The following XPNPEP3 variants were observed in gnomAD, a reference collection of about 807,000 sequenced individuals.
XPNPEP3 encodes xaa-Pro aminopeptidase 3.
In XPNPEP3, 41 loss-of-function variants were observed where a neutral mutation model predicts 60.0. That is an observed-to-expected ratio of 0.68 (90% CI 0.53 to 0.89). The LOEUF (loss-of-function observed/expected upper bound fraction) is 0.89. XPNPEP3 is among the 40% of genes least tolerant of loss of function. The pLI is 0.00. For missense variants in XPNPEP3, 598 were observed against 638.9 expected, an observed-to-expected ratio of 0.94 and a Z score of 0.69; for synonymous variants, 212 against 223.2, an observed-to-expected ratio of 0.95 and a Z score of 0.45.
chr22:40,861,960 C>A, intron 1 of XPNPEP3: 6 of 1,608,760 alleles, frequency 3.7e-6, no homozygotes, highest in Non-Finnish European at 5.1e-6. Context: ...TGAAGCATAT[C>A]TTTGCAGTCC....
intron 4 of XPNPEP3, among the ~76,000 whole-genome samples, chr22:40,899,286 T>A (rs2058121993): frequency 6.6e-6 from 1 of 152,158 alleles, no homozygotes; most frequent in Non-Finnish European, 1.5e-5. Context: ...AAGAAGCTCA[T>A]CTAAAAGAGA....
chr22:40,897,368 T>C (rs768541952), intron 4 of XPNPEP3, among the ~76,000 whole-genome samples: 1 of 152,160 alleles, frequency 6.6e-6, no homozygotes, highest in African/African-American at 2.4e-5. Flanking sequence ...TTGGGTTGTT[T>C]CCATCTTTTG....
intron 1 of XPNPEP3, among the ~76,000 whole-genome samples, chr22:40,863,050 C>G (rs2057960055): frequency 6.6e-6 from 1 of 152,192 alleles, no homozygotes; most frequent in Admixed American, 6.5e-5. Context: ...ACATAGTGAT[C>G]TAATATGGTA....
chr22:40,890,953 T>C (rs2058085983), intron 4 of XPNPEP3, among the ~76,000 whole-genome samples: 1 of 152,128 alleles, frequency 6.6e-6, no homozygotes, highest in Non-Finnish European at 1.5e-5. Flanking sequence ...TCATATACTG[T>C]ATATTATTTC....
intron 1 of XPNPEP3, among the ~76,000 whole-genome samples, chr22:40,866,165 A>G (rs2057977724): frequency 6.6e-6 from 1 of 152,040 alleles, no homozygotes; most frequent in South Asian, 2.1e-4. Flanking sequence ...TTTATTTCTT[A>G]TGTCCAATTA....
In XPNPEP3 at chr22:40,857,614, C is replaced by T. The variant is rs557010762; in HGVS notation, c.64+369C>T. ...GCGTGAGAGCTTGCTCCAGAATATACACGAAGCATGTTTAGTAACAAATTC... is the reference window on the plus strand; with the variant it reads ...GCGTGAGAGCTTGCTCCAGAATATATACGAAGCATGTTTAGTAACAAATTC... On this transcript the variant is annotated intron_variant, in intron 1 of 9. Transcript: ENST00000357137. Among the ~76,000 whole-genome samples the T allele has an allele frequency of 7.9e-5, 12 of 152,386 alleles. No individual in the cohort carries two copies. The East Asian group carries it at 2.3e-3, about 29-fold the overall frequency.
At chr22:40,889,014 TTTTTG>T (rs540777419) in intron 4 of XPNPEP3, among the ~76,000 whole-genome samples, 53 of 152,098 alleles carry the variant, frequency 3.5e-4, no homozygotes, top group Middle Eastern at 3.4e-3. Context: ...AATGGTTTTT[TTTTTG>T]TTTTGTTTTG....
At chr22:40,911,630 A>G (rs1049220208) in intron 6 of XPNPEP3, among the ~76,000 whole-genome samples, 7 of 147,338 alleles carry the variant, frequency 4.8e-5, no homozygotes, top group Admixed American at 2.7e-4. Context: ...ACCTCCCTCT[A>G]CCTCCCAGGT....
chr22:40,878,878 G>T (rs1427273205), intron 2 of XPNPEP3, among the ~76,000 whole-genome samples: 3 of 152,060 alleles, frequency 2.0e-5, no homozygotes, highest in Non-Finnish European at 2.9e-5. Context: ...GTGAGCCACT[G>T]CACCCAGCTG....
At position 40,859,386 on chromosome 22, in the gene XPNPEP3, A is replaced by T. The variant is rs139815915; in HGVS notation, c.64+2141A>T. ...TCTAAATTTTTGGTTTTCTGTTAAG[A>T]GTGAAGAAATGGACTACAGGGCATG... is the stretch of plus-strand genomic sequence containing the variant. On this transcript the variant is annotated intron_variant, in intron 1 of 9. Coordinates refer to ENST00000357137, the MANE Select transcript of XPNPEP3 (RefSeq NM_022098.4). 2.3e-3 allele frequency among the ~76,000 whole-genome samples: 351 copies of T among 152,300 alleles called. 3 individuals are homozygous for T. The highest frequency in any genetic ancestry group is 7.8e-3 in the African/African-American group (325 of 41,566).
chr22:40,923,091 T>A (rs2058222802), intron 8 of XPNPEP3, among the ~76,000 whole-genome samples: 1 of 152,008 alleles, frequency 6.6e-6, no homozygotes. Context: ...CACACACCTC[T>A]AGTCTCAGCT....
At chr22:40,907,378 G>T (rs1217860412) in intron 4 of XPNPEP3, among the ~76,000 whole-genome samples, 1 of 151,704 alleles carries the variant, frequency 6.6e-6, no homozygotes, top group Non-Finnish European at 1.5e-5. Flanking sequence ...CCGAGATCGC[G>T]CCACTGCACT....
intron 9 of XPNPEP3, among the ~76,000 whole-genome samples, chr22:40,925,071 G>T (rs918143342): frequency 1.1e-4 from 16 of 152,066 alleles, no homozygotes; most frequent in African/African-American, 3.4e-4. Flanking sequence ...ATTTAGTAGT[G>T]GGGGGCTGCT....
chr22:40,879,028 G>GT (rs2058037631), intron 2 of XPNPEP3, among the ~76,000 whole-genome samples: 1 of 152,196 alleles, frequency 6.6e-6, no homozygotes, highest in African/African-American at 2.4e-5. Context: ...TTTTGTAAGA[G>GT]TATTTACTAC....
At chr22:40,908,836 A>G (rs976496070) in intron 5 of XPNPEP3, among the ~76,000 whole-genome samples, 1 of 152,234 alleles carries the variant, frequency 6.6e-6, no homozygotes, top group Non-Finnish European at 1.5e-5. Flanking sequence ...AAATTATAAG[A>G]AATTTAGAGA....
At chr22:40,868,012 G>T (rs1297006137) in intron 1 of XPNPEP3, among the ~76,000 whole-genome samples, 1 of 149,826 alleles carries the variant, frequency 6.7e-6, no homozygotes, top group Non-Finnish European at 1.5e-5. Context: ...ATTTAATATT[G>T]TAATGCTCTA....
chr22:40,868,897 G>A (rs1468189241), intron 1 of XPNPEP3, 102 bp from the exon 2 acceptor site: 2 of 908,030 alleles, frequency 2.2e-6, no homozygotes, highest in Non-Finnish European at 3.7e-6. Context: ...ATATTAGTTT[G>A]CATTTTTCTA....
At chr22:40,886,622 G>T in intron 4 of XPNPEP3, 107 bp downstream of exon 4, 1 of 998,350 alleles carries the variant, frequency 1.0e-6, no homozygotes. Context: ...TCAGGAGATC[G>T]AGACCATCCT....
chr22:40,864,714 G>A (rs2057969344), intron 1 of XPNPEP3, among the ~76,000 whole-genome samples: 1 of 152,094 alleles, frequency 6.6e-6, no homozygotes, highest in Non-Finnish European at 1.5e-5. Flanking sequence ...CAAAGCGCTG[G>A]GATTACAGGC....
Sources: gnomAD v4.1 joint callset for allele counts (sites outside exome capture counted in the v4.1 genomes callset) on GRCh38, gnomAD v4.1.1 for gene constraint, MANE v1.5 for transcripts, NCBI Gene and HGNC (gene_info 2026-07-23, HGNC 2026-07-21) for gene names.